The following PDGFD variants were observed in gnomAD, a reference collection of about 807,000 sequenced individuals.
The protein encoded by PDGFD is platelet-derived growth factor D.
A neutral mutation model predicts 44.7 loss-of-function variants in PDGFD; 30 were observed. The ratio of observed to expected loss-of-function variants is 0.67; its 90% CI spans 0.50 to 0.91. PDGFD has a LOEUF of 0.91. Among genes scored for constraint, PDGFD ranks in the 40% least tolerant of loss-of-function variants. PDGFD has a pLI of 0.00. For missense variants in PDGFD, 445 were observed against 457.8 expected (o/e 0.97, Z 0.25); for synonymous variants, 173 against 168.4 (o/e 1.03, Z -0.21).
intron 3 of PDGFD, among the ~76,000 whole-genome samples, chr11:103,951,038 G>T (rs572821074): frequency 8.7e-4 from 133 of 152,186 alleles, no homozygotes; most frequent in Non-Finnish European, 1.6e-3. Flanking sequence ...CACTGTCTGG[G>T]CTACAGGATT....
intron 6 of PDGFD, among the ~76,000 whole-genome samples, chr11:103,915,853 A>G (rs1485154525): frequency 6.6e-6 from 1 of 152,248 alleles, no homozygotes; most frequent in Non-Finnish European, 1.5e-5. Flanking sequence ...AGGATTCCCT[A>G]TTTAATAAAT....
At chr11:104,017,277 A>G (rs909440349) in intron 1 of PDGFD, among the ~76,000 whole-genome samples, 3 of 152,162 alleles carry the variant, frequency 2.0e-5, no homozygotes, top group African/African-American at 4.8e-5. Flanking sequence ...GCGGTATTTT[A>G]TTATGGCAGC....
rs72977114 is a variant in PDGFD at position 104,106,121 on chromosome 11, A to G, written c.124+57683T>C. The stretch of plus-strand genomic sequence containing the variant: ...AACTTATATTTCTGAACTGAGGAGC[A>G]GAGTAAATCATTGGTAGATGACTTA... On this transcript the variant is annotated intron_variant, in intron 1 of 6. Transcript: ENST00000393158. Among the ~76,000 whole-genome samples the G allele has an allele frequency of 4.7e-3, 711 of 152,288 alleles. 2 individuals are homozygous for G. The highest frequency in any genetic ancestry group is 6.7e-3 in the Non-Finnish European group (456 of 68,026).
intron 1 of PDGFD, among the ~76,000 whole-genome samples, chr11:104,149,037 A>G (rs1862207026): frequency 6.6e-6 from 1 of 152,136 alleles, no homozygotes; most frequent in African/African-American, 2.4e-5. Context: ...ATTGTCTTAT[A>G]TTACATGTCT....
chr11:104,016,325 C>T (rs1399354616), intron 1 of PDGFD, among the ~76,000 whole-genome samples: 1 of 152,202 alleles, frequency 6.6e-6, no homozygotes, highest in Admixed American at 6.5e-5. Context: ...AGCTATCTCT[C>T]CCTCGCAGGG....
chr11:103,976,316 T>A (rs938740157), intron 3 of PDGFD, among the ~76,000 whole-genome samples: 49 of 152,204 alleles, frequency 3.2e-4, no homozygotes, highest in Non-Finnish European at 5.3e-4. Context: ...AGTTCACTCA[T>A]GATTTGGCTC....
chr11:104,152,375 G>A (rs1436902216), intron 1 of PDGFD, among the ~76,000 whole-genome samples: 1 of 151,958 alleles, frequency 6.6e-6, no homozygotes, highest in Non-Finnish European at 1.5e-5. Flanking sequence ...ATCCTGTTCA[G>A]TAGCAATTCT....
At chr11:104,050,237 G>A (rs1412577975) in intron 1 of PDGFD, among the ~76,000 whole-genome samples, 6 of 152,122 alleles carry the variant, frequency 3.9e-5, no homozygotes, top group Admixed American at 1.3e-4. Context: ...GACAGCGCAC[G>A]TGGGTGTAAA....
intron 1 of PDGFD, among the ~76,000 whole-genome samples, chr11:104,123,896 A>T (rs1225373465): frequency 6.6e-6 from 1 of 152,094 alleles, no homozygotes; most frequent in Non-Finnish European, 1.5e-5. Flanking sequence ...TAACTGGCAA[A>T]GGCCCAACTA....
intron 1 of PDGFD, among the ~76,000 whole-genome samples, chr11:104,062,491 GAATTACAAGT>G (rs1305603967): frequency 6.6e-6 from 1 of 152,174 alleles, no homozygotes; most frequent in Admixed American, 6.5e-5. Context: ...TTTAAGTTTT[GAATTACAAGT>G]TTTTTTGTTA....
chr11:104,093,465 T>G (rs539933838), intron 1 of PDGFD, among the ~76,000 whole-genome samples: 2 of 152,248 alleles, frequency 1.3e-5, no homozygotes, highest in South Asian at 4.1e-4. Flanking sequence ...CAGAGAAAAC[T>G]GAGTGGGCAA....
intron 1 of PDGFD, among the ~76,000 whole-genome samples, chr11:104,158,166 G>T (rs1862335119): frequency 6.6e-6 from 1 of 152,120 alleles, no homozygotes. Flanking sequence ...ACACTCTTTA[G>T]AACTTCACAC....
In PDGFD at chr11:104,046,300, T is replaced by C. The variant is rs935117775; in HGVS notation, c.125-46045A>G. On this transcript the variant is annotated intron_variant, in intron 1 of 6. Transcript: ENST00000393158. Reference sequence around the variant, plus strand: ...TTAATAACTTTACTTCTGGTGCATCTCATCAAGAGTTCAGAATTAAATGAT... The same window carrying C: ...TTAATAACTTTACTTCTGGTGCATCCCATCAAGAGTTCAGAATTAAATGAT... 2.7e-5 allele frequency among the ~76,000 whole-genome samples: 4 copies of C among 147,570 alleles called. 1 individual carries two copies. Among genetic ancestry groups the C allele is most frequent in the African/African-American group, 9.9e-5 (4 of 40,508 alleles).
chr11:104,119,811 T>G (rs866772096), intron 1 of PDGFD, among the ~76,000 whole-genome samples: 2 of 117,836 alleles, frequency 1.7e-5, no homozygotes, highest in African/African-American at 3.4e-5. Flanking sequence ...ATATATAATA[T>G]AAATAATTAT....
chr11:103,926,918 A>C lies in PDGFD; in HGVS notation c.981T>G (p.Tyr327Ter). The change falls in exon 6 of 7, where the codon TAT (tyrosine) becomes TAG (stop). Residue 327 changes from tyrosine to a stop codon, truncating the protein, a stop_gained. Transcript: ENST00000393158. LOFTEE classifies it high-confidence loss of function. Reference sequence around the variant, plus strand: ...AAATCTAAGAATGACATACCTCATGATACTTTTTCACGGTTTTCCCTGAAT... The same window carrying C: ...AAATCTAAGAATGACATACCTCATGCTACTTTTTCACGGTTTTCCCTGAAT... ...TCNSGKTVKK[Y>*]HEVLQFEPGH... 1.2e-6 allele frequency: 2 copies of C among 1,613,500 alleles called. No individual in the cohort carries two copies. The highest frequency in any genetic ancestry group is 1.7e-6 in the Non-Finnish European group (2 of 1,179,644).
At chr11:103,925,688 T>TAC (rs1858298523) in intron 6 of PDGFD, among the ~76,000 whole-genome samples, 1 of 90,230 alleles carries the variant, frequency 1.1e-5, no homozygotes, top group African/African-American at 3.9e-5. Flanking sequence ...TGTATATATA[T>TAC]ATATATATAT....
intron 3 of PDGFD, among the ~76,000 whole-genome samples, chr11:103,948,967 AACCGACT>A (rs1858703280): frequency 6.6e-6 from 1 of 150,772 alleles, no homozygotes; most frequent in African/African-American, 2.4e-5. Flanking sequence ...GAAAGAAAGA[AACCGACT>A]AGACATCATT....
At chr11:103,920,741 G>A (rs1858202303) in intron 6 of PDGFD, among the ~76,000 whole-genome samples, 1 of 152,178 alleles carries the variant, frequency 6.6e-6, no homozygotes, top group Admixed American at 6.5e-5. Flanking sequence ...AGTATCCCCA[G>A]GTGGTAAGAA....
intron 1 of PDGFD, among the ~76,000 whole-genome samples, chr11:104,061,924 C>A (rs1044282851): frequency 6.6e-6 from 1 of 150,440 alleles, no homozygotes; most frequent in African/African-American, 2.5e-5. Flanking sequence ...GGTGCTTTTG[C>A]CATTTCAAGT....
Sources: allele counts gnomAD v4.1 joint callset (sites outside exome capture counted in the v4.1 genomes callset), GRCh38; gene constraint gnomAD v4.1.1; transcripts MANE v1.5; gene names NCBI Gene and HGNC (gene_info 2026-07-23, HGNC 2026-07-21).